Variants in LAMA2 observed in about 807,000 individuals in gnomAD.
LAMA2 encodes the protein laminin subunit alpha 2.
Under a neutral mutation model 364.8 loss-of-function variants are expected in LAMA2, and 269 were observed. That is an observed-to-expected ratio of 0.74 (90% CI 0.67 to 0.82). The LOEUF (loss-of-function observed/expected upper bound fraction) is 0.82. Ranked by LOEUF, LAMA2 falls within the 40% of genes least tolerant of loss-of-function variation. The pLI is 0.00. For missense variants in LAMA2, 3,807 were observed against 3,873.2 expected (o/e 0.98, Z 0.45); for synonymous variants, 1,379 against 1,370.6 (o/e 1.01, Z -0.14).
intron 54 of LAMA2, 131 bp from the exon 55 acceptor site, chr6:129,481,131 GT>G: frequency 1.4e-6 from 1 of 730,746 alleles, no homozygotes. Context: ...AACTTTCCAT[GT>G]TTTCCTGCTT....
intron 28 of LAMA2, 24 bp downstream of exon 28, chr6:129,320,679 C>A: frequency 1.5e-6 from 2 of 1,294,342 alleles, no homozygotes; most frequent in Non-Finnish European, 2.3e-6. Flanking sequence ...TACTAACCTG[C>A]TTAATCTCAA....
At chr6:129,418,591 A>G (rs375291329) in intron 40 of LAMA2, among the ~76,000 whole-genome samples, 2 of 152,122 alleles carry the variant, frequency 1.3e-5, no homozygotes, top group Non-Finnish European at 2.9e-5. Flanking sequence ...ACGTGATGTC[A>G]TATAGGATTT....
intron 1 of LAMA2, among the ~76,000 whole-genome samples, chr6:128,930,333 T>C (rs1408221919): frequency 6.6e-6 from 1 of 152,228 alleles, no homozygotes; most frequent in African/African-American, 2.4e-5. Context: ...TTCATAGATA[T>C]TGCAGTTATT....
At chr6:129,265,712 T>C (rs1270954899) in intron 15 of LAMA2, among the ~76,000 whole-genome samples, 2 of 143,728 alleles carry the variant, frequency 1.4e-5, no homozygotes, top group African/African-American at 5.2e-5. Context: ...CTGGGGCCTG[T>C]CGGAGGGTGG....
At chr6:129,472,773 C>T (rs1310326089) in intron 51 of LAMA2, among the ~76,000 whole-genome samples, 1 of 151,868 alleles carries the variant, frequency 6.6e-6, no homozygotes, top group African/African-American at 2.4e-5. Context: ...AGTCTAAATC[C>T]CAGTAGTTCC....
At chr6:129,091,427 G>A (rs1774819682) in intron 3 of LAMA2, among the ~76,000 whole-genome samples, 1 of 152,102 alleles carries the variant, frequency 6.6e-6, no homozygotes, top group Admixed American at 6.6e-5. Context: ...TAAAAAGTCT[G>A]TTTTAACTGA....
intron 39 of LAMA2, 46 bp downstream of exon 39, chr6:129,402,533 C>T: frequency 2.5e-6 from 4 of 1,580,244 alleles, no homozygotes; most frequent in Non-Finnish European, 2.6e-6. Context: ...TGATGCTTGT[C>T]CAAAGGTTTT....
intron 4 of LAMA2, among the ~76,000 whole-genome samples, chr6:129,121,732 G>A (rs373187155): frequency 2.6e-5 from 4 of 152,030 alleles, no homozygotes; most frequent in African/African-American, 7.3e-5. Flanking sequence ...TTATAGCCTC[G>A]AGAAACTAGG....
rs576338395 is a variant in LAMA2 at position 129,274,070 on chromosome 6, A to G, written c.2450+3319A>G. 2.5e-3 allele frequency among the ~76,000 whole-genome samples: 383 copies of G among 152,090 alleles called. 3 individuals carry two copies. Among genetic ancestry groups the G allele is most frequent in the Non-Finnish European group, 3.8e-3 (258 of 67,944 alleles). On this transcript the variant is annotated intron_variant, in intron 17 of 64. Coordinates refer to ENST00000421865, the MANE Select transcript of LAMA2 (RefSeq NM_000426.4). ...ACAAGTAGAAAGAGAGGGCAGTGAT[A>G]ATTCACTTAGTTTATAAATCCTAGA...
intron 32 of LAMA2, among the ~76,000 whole-genome samples, chr6:129,358,351 T>A (rs189836401): frequency 6.6e-6 from 1 of 152,142 alleles, no homozygotes; most frequent in Admixed American, 6.5e-5. Context: ...AGTTGAATTA[T>A]CGTATAGAGA....
At chr6:129,359,367 G>A (rs1251737609) in intron 32 of LAMA2, among the ~76,000 whole-genome samples, 9 of 150,456 alleles carry the variant, frequency 6.0e-5, no homozygotes, top group South Asian at 2.1e-4. Flanking sequence ...TTGGTATGTC[G>A]ACAAATTCAT....
chr6:129,126,948 T>G (rs1315260993), intron 4 of LAMA2, among the ~76,000 whole-genome samples: 1 of 152,070 alleles, frequency 6.6e-6, no homozygotes, highest in African/African-American at 2.4e-5. Context: ...GCACCTGTAG[T>G]CCCAGCGACT....
chr6:129,340,215 A>G (rs1776184523), intron 29 of LAMA2, among the ~76,000 whole-genome samples: 1 of 152,192 alleles, frequency 6.6e-6, no homozygotes, highest in South Asian at 2.1e-4. Context: ...GAAGAAGTAG[A>G]GACCAGGAAT....
chr6:129,460,188 T>C lies in LAMA2; in HGVS notation c.6868-12T>C, dbSNP rs1783177763. 1 of 1,611,596 alleles carries C rather than the reference T, an allele frequency of 6.2e-7. No individual in the cohort carries two copies. The highest frequency in any genetic ancestry group is 8.5e-7 in the Non-Finnish European group (1 of 1,178,250). ...TCCAAATTCTAGCAAATAACGGTAT[T>C]TCTTTCTGCAGAAGGCTGATGCTGT... On this transcript the variant is annotated splice_polypyrimidine_tract_variant and intron_variant, in intron 48 of 64. Transcript: ENST00000421865.
At chr6:129,018,917 G>A (rs1414477053) in intron 1 of LAMA2, among the ~76,000 whole-genome samples, 1 of 151,920 alleles carries the variant, frequency 6.6e-6, no homozygotes, top group Non-Finnish European at 1.5e-5. Flanking sequence ...AGCTTTTCTT[G>A]TATTCTTGTC....
chr6:129,489,830 GT>G (rs201866320), intron 56 of LAMA2, among the ~76,000 whole-genome samples: 2 of 151,276 alleles, frequency 1.3e-5, no homozygotes, highest in Non-Finnish European at 2.9e-5. Flanking sequence ...AACTGATATG[GT>G]TTTAAAAAAA....
chr6:129,281,661 A>C (rs1788726133), intron 18 of LAMA2, among the ~76,000 whole-genome samples: 1 of 152,128 alleles, frequency 6.6e-6, no homozygotes, highest in Non-Finnish European at 1.5e-5. Context: ...TTCTTGGGAG[A>C]ATTCCATTTG....
Position 129,440,803 on chromosome 6 carries a change from C to T in LAMA2, c.6086-13C>T, listed in dbSNP as rs1160124435. 1 of 1,612,868 alleles carries T rather than the reference C, an allele frequency of 6.2e-7. No individual in the cohort carries two copies. On this transcript the variant is annotated splice_polypyrimidine_tract_variant and intron_variant, in intron 42 of 64. Coordinates refer to ENST00000421865, the MANE Select transcript of LAMA2 (RefSeq NM_000426.4). ...CCCTTTGTTTTGTTTTTCATACCCT[C>T]ATCTGCTGACAGATACAGCTGCTAA... is the stretch of plus-strand genomic sequence containing the variant.
intron 29 of LAMA2, among the ~76,000 whole-genome samples, chr6:129,334,526 G>A (rs560595989): frequency 3.3e-5 from 5 of 152,132 alleles, no homozygotes; most frequent in African/African-American, 4.8e-5. Context: ...ATTTATAGTC[G>A]AAGAACCAAT....
Sources: gnomAD v4.1 joint callset for allele counts (sites outside exome capture counted in the v4.1 genomes callset) on GRCh38, gnomAD v4.1.1 for gene constraint, MANE v1.5 for transcripts, NCBI Gene and HGNC (gene_info 2026-07-23, HGNC 2026-07-21) for gene names.